Variants in SLC39A9 observed in about 807,000 individuals in gnomAD.
SLC39A9 encodes the protein zinc transporter ZIP9.
In SLC39A9, 14 loss-of-function variants were observed where a neutral mutation model predicts 28.4. That is an observed-to-expected ratio of 0.49 (90% CI 0.33 to 0.77). The LOEUF (loss-of-function observed/expected upper bound fraction) is 0.77, where lower values mean the gene tolerates loss of function less well. SLC39A9 is among the 30% of genes least tolerant of loss of function. The probability of loss-of-function intolerance (pLI) is 0.02; values close to 1 mark genes in which losing one functional copy is unlikely to be tolerated. For missense variants in SLC39A9, 283 were observed against 381.1 expected (o/e 0.74, Z 2.14); for synonymous variants, 119 against 149.6 (o/e 0.80, Z 1.49).
chr14:69,459,786 C>T lies in SLC39A9; in HGVS notation c.*1193C>T, dbSNP rs569098976. ...ACTTTTCCCTCTAGCCTCTCCTCGC[C>T]ACAATTTGCTGCTTACTGCTGGTGT... On this transcript the variant is annotated 3_prime_UTR_variant, in exon 7 of 7. Transcript: ENST00000336643. The T allele has an allele frequency of 7.0e-5, 69 of 985,350 alleles. No homozygotes were observed. The South Asian group carries it at 3.1e-3, about 44-fold the overall frequency. The allele number at this position is 985,350 out of a possible 1,614,324, so 61.0% of individuals were successfully genotyped here. A position where few individuals can be genotyped will look rare whatever the true frequency, so the allele number is the denominator to read the frequency against.
chr14:69,436,094 A>T (rs975792917), intron 2 of SLC39A9, among the ~76,000 whole-genome samples: 3 of 151,566 alleles, frequency 2.0e-5, no homozygotes, highest in African/African-American at 7.3e-5. Flanking sequence ...GAGGATGTTC[A>T]TTTATTTGAG....
chr14:69,437,962 C>T (rs1884859223), intron 2 of SLC39A9, among the ~76,000 whole-genome samples: 1 of 151,838 alleles, frequency 6.6e-6, no homozygotes, highest in Non-Finnish European at 1.5e-5. Context: ...TGAGTTTAGA[C>T]ATATCATTGT....
intron 3 of SLC39A9, among the ~76,000 whole-genome samples, chr14:69,446,558 A>C (rs1197121403): frequency 6.6e-6 from 1 of 152,048 alleles, no homozygotes; most frequent in African/African-American, 2.4e-5. Flanking sequence ...AAGAACAGTA[A>C]TAAAGCATAA....
Position 69,459,555 on chromosome 14 carries a change from T to TG in SLC39A9, c.*963dup. On this transcript the variant is annotated 3_prime_UTR_variant, in exon 7 of 7. Transcript: ENST00000336643. ...AAAATGTATGGTTGTCCTTTTTTTT[T>TG]GTTTTTTTTTTTTTTAATTATTTCT... is the stretch of plus-strand genomic sequence containing the variant. 6.4e-6 allele frequency: 6 copies of TG among 941,962 alleles called. No individual in the cohort carries two copies. The African/African-American group carries it at 1.0e-4, about 16-fold the overall frequency. 58.4% of individuals were successfully genotyped at this position (941,962 alleles called of 1,614,324 possible).
At chr14:69,441,008 G>C (rs1885024076) in intron 2 of SLC39A9, among the ~76,000 whole-genome samples, 1 of 152,114 alleles carries the variant, frequency 6.6e-6, no homozygotes, top group South Asian at 2.1e-4. Flanking sequence ...GCTGGACACA[G>C]TGGCTCATAC....
intron 3 of SLC39A9, among the ~76,000 whole-genome samples, chr14:69,452,122 A>T (rs1885640283): frequency 1.3e-5 from 2 of 152,214 alleles, no homozygotes; most frequent in Admixed American, 1.3e-4. Context: ...GCCAAGAATT[A>T]CAGGTGAGGA....
intron 1 of SLC39A9, among the ~76,000 whole-genome samples, chr14:69,408,394 G>A (rs1883059782): frequency 6.6e-6 from 1 of 152,176 alleles, no homozygotes; most frequent in African/African-American, 2.4e-5. Context: ...GACCCTGACT[G>A]ATAGAGGTAG....
intron 1 of SLC39A9, among the ~76,000 whole-genome samples, chr14:69,400,980 TAA>T (rs76895057): frequency 3.8e-4 from 51 of 134,452 alleles, no homozygotes; most frequent in Admixed American, 3.0e-4. Flanking sequence ...CTCTTTCTCT[TAA>T]AAAAAAAAAA....
intron 1 of SLC39A9, among the ~76,000 whole-genome samples, chr14:69,407,150 C>A (rs946244958): frequency 9.3e-5 from 14 of 151,106 alleles, no homozygotes; most frequent in African/African-American, 3.4e-4. Flanking sequence ...ACACCCAGCC[C>A]TGGAAATTCT....
rs576553506 is a variant in SLC39A9 at position 69,462,029 on chromosome 14, C to A, written c.*3436C>A. ...TAAAACCTCTTTGTACCTGAGACAT[C>A]TAGATTCACCTCAGGAGGCCTGAAG... On this transcript the variant is annotated 3_prime_UTR_variant, in exon 7 of 7. Coordinates refer to ENST00000336643, the MANE Select transcript of SLC39A9 (RefSeq NM_018375.5). 7.9e-5 allele frequency: 21 copies of A among 266,120 alleles called. No homozygotes were observed. The highest frequency in any genetic ancestry group is 4.2e-4 in the African/African-American group (19 of 45,688). The allele number at this position is 266,120 out of a possible 1,614,324, so 16.5% of individuals were successfully genotyped here.
chr14:69,448,263 G>A (rs1292319499), intron 3 of SLC39A9, among the ~76,000 whole-genome samples: 1 of 146,644 alleles, frequency 6.8e-6, no homozygotes, highest in Non-Finnish European at 1.5e-5. Context: ...TGAAAATTGA[G>A]CAGCAACCCA....
intron 2 of SLC39A9, among the ~76,000 whole-genome samples, chr14:69,432,839 C>T (rs1276383625): frequency 3.3e-5 from 5 of 152,088 alleles, no homozygotes; most frequent in Non-Finnish European, 1.5e-5. Context: ...GATCAGATGG[C>T]TGTCAGTATA....
At chr14:69,409,583 G>A (rs148269913) in intron 1 of SLC39A9, among the ~76,000 whole-genome samples, 16 of 152,260 alleles carry the variant, frequency 1.1e-4, no homozygotes, top group East Asian at 3.9e-4. Context: ...GTAATCAATC[G>A]TCTTGTCTTG....
At chr14:69,452,440 C>T (rs1350850575) in intron 3 of SLC39A9, among the ~76,000 whole-genome samples, 1 of 152,136 alleles carries the variant, frequency 6.6e-6, no homozygotes, top group Non-Finnish European at 1.5e-5. Context: ...AGCAGTTCTC[C>T]TGCCTCAGCT....
Position 69,461,823 on chromosome 14 carries a change from G to T in SLC39A9, c.*3230G>T. On this transcript the variant is annotated 3_prime_UTR_variant, in exon 7 of 7. Transcript: ENST00000336643. Reference sequence around the variant, plus strand: ...CCCCCAAAGGATGTTCCTGCCTTGTGGGCCCCTGAGCCCCTTGGGAGACTG... The same window carrying T: ...CCCCCAAAGGATGTTCCTGCCTTGTTGGCCCCTGAGCCCCTTGGGAGACTG... 7.1e-7 allele frequency: 1 copy of T among 1,401,080 alleles called. No homozygotes were observed. The allele number at this position is 1,401,080 out of a possible 1,614,324, so 86.8% of individuals were successfully genotyped here. A position where few individuals can be genotyped will look rare whatever the true frequency, so the allele number is the denominator to read the frequency against.
intron 1 of SLC39A9, among the ~76,000 whole-genome samples, chr14:69,409,726 CATG>C (rs1481780249): frequency 6.6e-6 from 1 of 152,148 alleles, no homozygotes; most frequent in South Asian, 2.1e-4. Flanking sequence ...ACATTTTTGT[CATG>C]ATAATAGTGT....
intron 1 of SLC39A9, among the ~76,000 whole-genome samples, chr14:69,407,495 G>T (rs149349100): frequency 3.0e-3 from 453 of 151,594 alleles, no homozygotes; most frequent in African/African-American, 0.01. Context: ...GCACCACCAC[G>T]CCCCACTAAT....
intron 2 of SLC39A9, among the ~76,000 whole-genome samples, chr14:69,426,118 C>A (rs1308852921): frequency 6.6e-6 from 1 of 152,196 alleles, no homozygotes; most frequent in Non-Finnish European, 1.5e-5. Flanking sequence ...AATATCTCCC[C>A]ACTACCAAGC....
chr14:69,450,408 T>A (rs555292823), intron 3 of SLC39A9, among the ~76,000 whole-genome samples: 6 of 152,270 alleles, frequency 3.9e-5, no homozygotes, highest in African/African-American at 1.4e-4. Context: ...AAATTTTTCC[T>A]CCTCAGTAAG....
Sources: gnomAD v4.1 joint callset for allele counts (sites outside exome capture counted in the v4.1 genomes callset) on GRCh38, gnomAD v4.1.1 for gene constraint, MANE v1.5 for transcripts, NCBI Gene and HGNC (gene_info 2026-07-23, HGNC 2026-07-21) for gene names.